Variants in PITPNB observed in about 807,000 individuals in gnomAD.
PITPNB encodes phosphatidylinositol transfer protein beta isoform.
Under a neutral mutation model 45.9 loss-of-function variants are expected in PITPNB, and 16 were observed. The observed-to-expected ratio is 0.35, with a 90% confidence interval of 0.24 to 0.53. PITPNB has a LOEUF of 0.53. Ranked by LOEUF, PITPNB falls within the 20% of genes least tolerant of loss-of-function variation. The pLI, the probability that PITPNB is intolerant of heterozygous loss-of-function variation, is 0.93. For synonymous variants in PITPNB, 112 were observed against 108.9 expected (o/e 1.03, Z -0.18); for missense variants, 188 against 330.5 (o/e 0.57, Z 3.34).
intron 7 of PITPNB, among the ~76,000 whole-genome samples, chr22:27,879,251 G>C (rs1934902300): frequency 6.6e-6 from 1 of 152,162 alleles, no homozygotes; most frequent in Non-Finnish European, 1.5e-5. Context: ...CAAATTAATA[G>C]AGAAAGAGAA....
intron 2 of PITPNB, among the ~76,000 whole-genome samples, chr22:27,913,890 T>C (rs1298827088): frequency 1.3e-5 from 2 of 152,142 alleles, no homozygotes; most frequent in Non-Finnish European, 2.9e-5. Context: ...ATTGCTCAAA[T>C]GGGATAAACT....
intron 1 of PITPNB, 134 bp downstream of exon 1, chr22:27,919,038 G>T (rs1191424779): frequency 2.2e-6 from 3 of 1,351,542 alleles, no homozygotes; most frequent in Non-Finnish European, 2.1e-6. Flanking sequence ...GGGGCCGGGG[G>T]AGGGAGGGGG....
At chr22:27,862,765 A>C (rs1488490769) in intron 8 of PITPNB, among the ~76,000 whole-genome samples, 1 of 152,178 alleles carries the variant, frequency 6.6e-6, no homozygotes, top group Non-Finnish European at 1.5e-5. Flanking sequence ...AGGGGACATA[A>C]ATGTAGCTAA....
chr22:27,912,837 C>T (rs1463294910), intron 2 of PITPNB, among the ~76,000 whole-genome samples: 1 of 151,570 alleles, frequency 6.6e-6, no homozygotes, highest in Non-Finnish European at 1.5e-5. Context: ...CAAAAATTAG[C>T]CAGGTGCGGT....
At chr22:27,906,642 G>C (rs1935768998) in intron 3 of PITPNB, among the ~76,000 whole-genome samples, 1 of 152,156 alleles carries the variant, frequency 6.6e-6, no homozygotes, top group Admixed American at 6.5e-5. Context: ...TGTGAGGAAT[G>C]AATAAACTCC....
At chr22:27,881,811 G>A (rs1192791523) in intron 7 of PITPNB, among the ~76,000 whole-genome samples, 1 of 152,134 alleles carries the variant, frequency 6.6e-6, no homozygotes, top group Non-Finnish European at 1.5e-5. Context: ...TAATTTGGAG[G>A]ATATATTAGG....
At chr22:27,856,904 G>C (rs964912543) in intron 10 of PITPNB, among the ~76,000 whole-genome samples, 19 of 152,190 alleles carry the variant, frequency 1.2e-4, no homozygotes, top group Middle Eastern at 3.2e-3. Flanking sequence ...CGAGGGCCAG[G>C]GGGGTGCTTG....
intron 3 of PITPNB, among the ~76,000 whole-genome samples, chr22:27,900,769 G>A (rs1007790783): frequency 6.6e-6 from 1 of 152,190 alleles, no homozygotes; most frequent in East Asian, 1.9e-4. Context: ...ATATAATTGA[G>A]AGCATATACA....
intron 4 of PITPNB, among the ~76,000 whole-genome samples, chr22:27,897,453 T>C (rs1212562214): frequency 6.6e-6 from 1 of 152,228 alleles, no homozygotes; most frequent in Non-Finnish European, 1.5e-5. Flanking sequence ...GTTTCAGAAG[T>C]CTGTCCTATT....
chr22:27,871,351 T>C (rs1934653351), intron 8 of PITPNB, among the ~76,000 whole-genome samples: 1 of 152,256 alleles, frequency 6.6e-6, no homozygotes, highest in Non-Finnish European at 1.5e-5. Flanking sequence ...TTTTAATGTT[T>C]ATACTTGAAA....
intron 3 of PITPNB, among the ~76,000 whole-genome samples, chr22:27,902,527 T>C (rs1416673798): frequency 6.7e-6 from 1 of 150,134 alleles, no homozygotes; most frequent in Non-Finnish European, 1.5e-5. Flanking sequence ...ATGCAATTAT[T>C]GAGTTAATTG....
chr22:27,897,989 C>T (rs1935482587), intron 3 of PITPNB, 97 bp from the exon 4 acceptor site: 2 of 822,644 alleles, frequency 2.4e-6, no homozygotes, highest in African/African-American at 1.7e-5. Context: ...TCAAAGGTGA[C>T]CAGGTTCTAA....
intron 7 of PITPNB, among the ~76,000 whole-genome samples, chr22:27,885,186 A>C (rs1243829171): frequency 7.2e-6 from 1 of 138,204 alleles, no homozygotes; most frequent in Admixed American, 7.9e-5. Context: ...GAGATGATTA[A>C]AAAGAGCCAG....
At chr22:27,881,152 C>T in intron 7 of PITPNB, among the ~76,000 whole-genome samples, 1 of 152,144 alleles carries the variant, frequency 6.6e-6, no homozygotes, top group East Asian at 1.9e-4. Context: ...TTTATATCTT[C>T]TTTGAAGATG....
At chr22:27,867,686 T>C (rs1332447313) in intron 8 of PITPNB, among the ~76,000 whole-genome samples, 1 of 152,200 alleles carries the variant, frequency 6.6e-6, no homozygotes, top group Admixed American at 6.5e-5. Context: ...ATGAAACTCA[T>C]GAAGAAAACT....
At chr22:27,913,286 A>G (rs1432892227) in intron 2 of PITPNB, among the ~76,000 whole-genome samples, 1 of 152,150 alleles carries the variant, frequency 6.6e-6, no homozygotes, top group Non-Finnish European at 1.5e-5. Flanking sequence ...ACTCTTTTTC[A>G]CTTCCTGCAT....
chr22:27,899,481 C>T (rs1168810217), intron 3 of PITPNB, among the ~76,000 whole-genome samples: 1 of 152,082 alleles, frequency 6.6e-6, no homozygotes, highest in Non-Finnish European at 1.5e-5. Flanking sequence ...CGCCACTAGG[C>T]CCGGCTAATT....
At chr22:27,915,334 T>C (rs1444349666) in intron 1 of PITPNB, among the ~76,000 whole-genome samples, 1 of 152,210 alleles carries the variant, frequency 6.6e-6, no homozygotes, top group African/African-American at 2.4e-5. Context: ...TTTCTTTTTT[T>C]CTTGCAGTAA....
intron 7 of PITPNB, among the ~76,000 whole-genome samples, chr22:27,888,370 G>T (rs944467941): frequency 6.6e-6 from 1 of 152,158 alleles, no homozygotes; most frequent in South Asian, 2.1e-4. Flanking sequence ...GGGTCAACAG[G>T]CTATGTACAC....
Sources: gnomAD v4.1 joint callset for allele counts (sites outside exome capture counted in the v4.1 genomes callset) on GRCh38, gnomAD v4.1.1 for gene constraint, MANE v1.5 for transcripts, NCBI Gene and HGNC (gene_info 2026-07-23, HGNC 2026-07-21) for gene names.